EVI5: variants seen among roughly 807,000 people sequenced by gnomAD.
EVI5 encodes ecotropic viral integration site 5 protein homolog.
EVI5 carries 73 observed loss-of-function variants against 112.0 expected under a neutral mutation model. The observed-to-expected ratio is 0.65, with a 90% CI of 0.54 to 0.79. The LOEUF is 0.79. EVI5 is among the 30% of genes least tolerant of loss of function. The probability of loss-of-function intolerance (pLI) is 0.00; values close to 1 mark genes in which losing one functional copy is unlikely to be tolerated. For synonymous variants in EVI5, 305 were observed against 319.9 expected (o/e 0.95, Z 0.50); for missense variants, 900 against 968.8 (o/e 0.93, Z 0.94).
chr1:92,727,841 C>A (rs1231038691), intron 2 of EVI5, among the ~76,000 whole-genome samples: 2 of 151,578 alleles, frequency 1.3e-5, no homozygotes, highest in African/African-American at 4.8e-5. Flanking sequence ...CATAGTGGGA[C>A]CCCATCTCTT....
At chr1:92,546,278 GAC>G (rs1156347653) in intron 19 of EVI5, among the ~76,000 whole-genome samples, 1 of 152,176 alleles carries the variant, frequency 6.6e-6, no homozygotes, top group East Asian at 1.9e-4. Flanking sequence ...CAGTGACAAA[GAC>G]AGAACTAGAA....
At chr1:92,635,093 G>T (rs926851202) in intron 14 of EVI5, among the ~76,000 whole-genome samples, 2 of 152,184 alleles carry the variant, frequency 1.3e-5, no homozygotes, top group Admixed American at 6.5e-5. Flanking sequence ...TGCCCCTACT[G>T]GGGGGTGCCT....
At chr1:92,669,573 T>C (rs1321541400) in intron 10 of EVI5, among the ~76,000 whole-genome samples, 2 of 58,850 alleles carry the variant, frequency 3.4e-5, no homozygotes, top group Admixed American at 3.5e-4. Flanking sequence ...CACTGGGAAA[T>C]TCATATCTTT....
chr1:92,682,382 C>T (rs1209341760), intron 9 of EVI5, among the ~76,000 whole-genome samples: 1 of 152,118 alleles, frequency 6.6e-6, no homozygotes, highest in Admixed American at 6.5e-5. Context: ...CACTGTATAT[C>T]ATTCTGTCAG....
At chr1:92,612,889 G>C (rs1232078249) in intron 16 of EVI5, among the ~76,000 whole-genome samples, 1 of 152,126 alleles carries the variant, frequency 6.6e-6, no homozygotes, top group African/African-American at 2.4e-5. Context: ...GTATTGGCTG[G>C]CTAGACAGTG....
intron 1 of EVI5, among the ~76,000 whole-genome samples, chr1:92,752,159 C>T (rs1374317803): frequency 1.3e-5 from 2 of 152,038 alleles, no homozygotes; most frequent in Non-Finnish European, 2.9e-5. Flanking sequence ...TCTCTATCTT[C>T]TCCTTAGCCC....
At chr1:92,734,876 T>C (rs185865250) in intron 2 of EVI5, among the ~76,000 whole-genome samples, 4 of 151,948 alleles carry the variant, frequency 2.6e-5, no homozygotes. Context: ...AGATGACAAA[T>C]AAACACATAA....
At chr1:92,714,828 C>G (rs547170693) in intron 2 of EVI5, among the ~76,000 whole-genome samples, 1 of 152,088 alleles carries the variant, frequency 6.6e-6, no homozygotes, top group African/African-American at 2.4e-5. Flanking sequence ...TGGCCTCATG[C>G]AATTCTCCCA....
At position 92,635,816 on chromosome 1, in the gene EVI5, C is replaced by T. The variant is rs955626203; in HGVS notation, c.1527+386G>A. Among the ~76,000 whole-genome samples the T allele has an allele frequency of 6.6e-5, 10 of 152,242 alleles. 1 individual carries two copies. The highest frequency in any genetic ancestry group is 3.9e-4 in the Admixed American group (6 of 15,290). On this transcript the variant is annotated intron_variant, in intron 14 of 19. Transcript: ENST00000684568. Reference sequence around the variant, plus strand: ...TCCACCCGCTCAGATGAAATTTTCCCGAAATGTCTATGTATTAGTCCTATT... The same window carrying T: ...TCCACCCGCTCAGATGAAATTTTCCTGAAATGTCTATGTATTAGTCCTATT...
intron 18 of EVI5, among the ~76,000 whole-genome samples, chr1:92,585,758 T>C (rs1394040316): frequency 1.3e-5 from 2 of 152,148 alleles, no homozygotes; most frequent in African/African-American, 4.8e-5. Flanking sequence ...TATATTAGTG[T>C]GGTACCTTTG....
chr1:92,693,946 A>C, intron 8 of EVI5, 47 bp from the exon 9 acceptor site: 1 of 1,114,326 alleles, frequency 9.0e-7, no homozygotes, highest in Non-Finnish European at 1.3e-6. Flanking sequence ...TAGTGCTGTT[A>C]ATAGTGAAAT....
chr1:92,745,017 A>T (rs1187048181), intron 1 of EVI5, among the ~76,000 whole-genome samples: 1 of 151,208 alleles, frequency 6.6e-6, no homozygotes, highest in Non-Finnish European at 1.5e-5. Flanking sequence ...TGCAGTCTCA[A>T]CCTCCCAAGC....
At position 92,513,498 on chromosome 1, in the gene EVI5, A is replaced by G. The variant is rs200617170; in HGVS notation, c.*158T>C. 2 of 218,848 alleles carry G rather than the reference A, an allele frequency of 9.1e-6. No individual in the cohort carries two copies. Among genetic ancestry groups the G allele is most frequent in the Non-Finnish European group, 1.7e-5 (2 of 115,192 alleles). 13.6% of individuals were successfully genotyped at this position (218,848 alleles called of 1,614,324 possible). On this transcript the variant is annotated 3_prime_UTR_variant, in exon 20 of 20. Coordinates refer to ENST00000684568, the MANE Select transcript of EVI5 (RefSeq NM_001350197.2). ...AGATTTGGCAAAGATAAAAAGGCAG[A>G]TAAGACTGTAAAATATATATATATA... is the stretch of plus-strand genomic sequence containing the variant.
chr1:92,620,654 T>C (rs1278450843), intron 16 of EVI5, among the ~76,000 whole-genome samples: 1 of 152,094 alleles, frequency 6.6e-6, no homozygotes, highest in Non-Finnish European at 1.5e-5. Context: ...CAAGGCAGAA[T>C]TCAATATCCT....
Position 92,702,197 on chromosome 1 carries a change from G to T in EVI5, c.583C>A (p.Arg195Ser). The T allele has an allele frequency of 6.6e-7, 1 of 1,505,096 alleles. No individual in the cohort carries two copies. The highest frequency in any genetic ancestry group is 1.3e-5 in the South Asian group (1 of 76,284). 93.2% of individuals were successfully genotyped at this position (1,505,096 alleles called of 1,614,324 possible). Residue 195 changes from arginine (R) to serine (S), a missense_variant, in exon 5 of 20, where the codon CGT (arginine) becomes AGT (serine). Physicochemically the swap from Arg to Ser is moderately radical, Grantham distance 110 (BLOSUM62 -1). Coordinates refer to ENST00000684568, the MANE Select transcript of EVI5 (RefSeq NM_001350197.2). The part of the protein sequence containing the change: ...NVMKAYSLVD[R>S]EVGYCQGSAF... ...CTTCCTTGACAGTAACCAACCTCAC[G>T]ATCTACTAAAGAGTAAGCCTAAAAA...
Position 92,703,397 on chromosome 1 carries a change from TCATTA to T in EVI5, c.557_561del (p.Val186GlufsTer9). 1.3e-6 allele frequency: 2 copies of T among 1,515,398 alleles called. No homozygotes were observed. The allele number at this position is 1,515,398 out of a possible 1,614,324, so 93.9% of individuals were successfully genotyped here. A position where few individuals can be genotyped will look rare whatever the true frequency, so the allele number is the denominator to read the frequency against. ...AAAAATGAATAAATAAAACTTACCTTCATTACATTAAATAAAACCTCCTGTCCAAG... is the reference window on the plus strand; with the variant it reads ...AAAAATGAATAAATAAAACTTACCTTCATTAAATAAAACCTCCTGTCCAAG... On this transcript the variant is annotated frameshift_variant, in exon 4 of 20. Coordinates refer to ENST00000684568, the MANE Select transcript of EVI5 (RefSeq NM_001350197.2). LOFTEE classifies it high-confidence loss of function.
intron 19 of EVI5, among the ~76,000 whole-genome samples, chr1:92,526,200 A>G (rs1661846286): frequency 6.6e-6 from 1 of 152,194 alleles, no homozygotes; most frequent in Non-Finnish European, 1.5e-5. Flanking sequence ...CTGAGATCAC[A>G]GACATGTGCC....
chr1:92,742,121 AC>A (rs1340218847), intron 1 of EVI5, among the ~76,000 whole-genome samples: 5 of 152,180 alleles, frequency 3.3e-5, no homozygotes, highest in Admixed American at 1.3e-4. Context: ...ACAAAAAAAA[AC>A]AAATAATCTG....
intron 13 of EVI5, among the ~76,000 whole-genome samples, chr1:92,650,749 T>C (rs1408360816): frequency 1.3e-5 from 2 of 152,150 alleles, no homozygotes; most frequent in African/African-American, 2.4e-5. Flanking sequence ...ATCTCTGTTA[T>C]TTGCTACCTA....
Sources: allele counts gnomAD v4.1 joint callset (sites outside exome capture counted in the v4.1 genomes callset), GRCh38; gene constraint gnomAD v4.1.1; transcripts MANE v1.5; gene names NCBI Gene and HGNC (gene_info 2026-07-23, HGNC 2026-07-21).